Variants in CACNA2D2 observed in about 807,000 individuals in gnomAD.
The protein encoded by CACNA2D2 is voltage-dependent calcium channel subunit alpha-2/delta-2.
A neutral mutation model predicts 166.4 loss-of-function variants in CACNA2D2; 48 were observed. That is an observed-to-expected ratio of 0.29 (90% CI 0.23 to 0.37). CACNA2D2 has a LOEUF of 0.37. CACNA2D2 is among the 10% of genes least tolerant of loss of function. The pLI is 1.00. For missense variants in CACNA2D2, 1,122 were observed against 1,433.0 expected (o/e 0.78, Z 3.50); for synonymous variants, 561 against 573.7 (o/e 0.98, Z 0.32).
At chr3:50,457,387 G>A (rs1411248401) in intron 2 of CACNA2D2, among the ~76,000 whole-genome samples, 2 of 152,154 alleles carry the variant, frequency 1.3e-5, no homozygotes, top group East Asian at 1.9e-4. Flanking sequence ...GCTAAATATC[G>A]TTCCTTGTAA....
chr3:50,367,810 A>G lies in CACNA2D2; in HGVS notation c.2234+2T>C. 6.2e-7 allele frequency: 1 copy of G among 1,610,244 alleles called. No homozygotes were observed. The highest frequency in any genetic ancestry group is 1.1e-5 in the South Asian group (1 of 90,966). ...TGCCCCCACAGGCTGGGTGATGCCT[A>G]CGTGTTGAGATCCTGGTCCCTCCAC... On this transcript the variant is annotated splice_donor_variant, in intron 25 of 37. Transcript: ENST00000424201. LOFTEE classifies it high-confidence loss of function. The surrounding 1 kb of genome is among the most constrained non-coding windows in gnomAD (Gnocchi z 6.5).
chr3:50,500,791 T>G (rs1698933164), intron 1 of CACNA2D2, among the ~76,000 whole-genome samples: 1 of 107,534 alleles, frequency 9.3e-6, no homozygotes, highest in African/African-American at 3.7e-5. Flanking sequence ...AGCCCTGTCC[T>G]CCCTTCAGCA....
At chr3:50,368,487 G>A (rs775932519) in intron 23 of CACNA2D2, among the ~76,000 whole-genome samples, 5 of 152,156 alleles carry the variant, frequency 3.3e-5, no homozygotes, top group Admixed American at 1.3e-4. Flanking sequence ...GCATGGCTCC[G>A]CAGAGCCTCC....
At chr3:50,434,712 G>A (rs1012675121) in intron 2 of CACNA2D2, among the ~76,000 whole-genome samples, 1 of 152,178 alleles carries the variant, frequency 6.6e-6, no homozygotes, top group Non-Finnish European at 1.5e-5. Flanking sequence ...GGGCCTCAGG[G>A]CCCCCCATTT....
chr3:50,433,267 G>A (rs116611165), intron 3 of CACNA2D2, among the ~76,000 whole-genome samples: 33 of 152,284 alleles, frequency 2.2e-4, no homozygotes, highest in African/African-American at 7.7e-4. Flanking sequence ...GTGGTCTTTT[G>A]TAACTGACTT....
intron 1 of CACNA2D2, among the ~76,000 whole-genome samples, chr3:50,481,019 T>C (rs1698032359): frequency 1.9e-5 from 2 of 105,014 alleles, no homozygotes; most frequent in South Asian, 6.7e-4. Flanking sequence ...CAGTTGTTAA[T>C]TTTATATGTG....
At chr3:50,474,673 G>A (rs1710232883) in intron 2 of CACNA2D2, among the ~76,000 whole-genome samples, 1 of 152,190 alleles carries the variant, frequency 6.6e-6, no homozygotes, top group Admixed American at 6.5e-5. Flanking sequence ...TATAGCTTAT[G>A]TCCCGATATG....
At chr3:50,430,069 G>A (rs1707999597) in intron 3 of CACNA2D2, among the ~76,000 whole-genome samples, 1 of 152,210 alleles carries the variant, frequency 6.6e-6, no homozygotes, top group Non-Finnish European at 1.5e-5. Flanking sequence ...GGTGTCTCCA[G>A]GTGCTAGATT....
At chr3:50,387,677 C>G (rs1705682290) in intron 4 of CACNA2D2, 65 bp from the exon 5 acceptor site, 1 of 1,274,212 alleles carries the variant, frequency 7.8e-7, no homozygotes, top group Non-Finnish European at 1.1e-6. Flanking sequence ...GGACTCCTAG[C>G]CCCAAGGCCT....
intron 2 of CACNA2D2, among the ~76,000 whole-genome samples, chr3:50,439,019 C>T (rs1708472698): frequency 6.6e-6 from 1 of 152,218 alleles, no homozygotes; most frequent in South Asian, 2.1e-4. Flanking sequence ...AGAGAGGACA[C>T]TGAAGGCCAG....
Position 50,427,860 on chromosome 3 carries a change from A to AACC in CACNA2D2, c.405+6450_405+6452dup, listed in dbSNP as rs1241600847. Among the ~76,000 whole-genome samples, 1 of 152,184 alleles carries AACC rather than the reference A, an allele frequency of 6.6e-6. No homozygotes were observed. Among genetic ancestry groups the AACC allele is most frequent in the Non-Finnish European group, 1.5e-5 (1 of 68,026 alleles). ...TCCATGGCCTGGTCCTCCAGGGGCCAACCTGTTTGTCTCACCCTCGTCAGT... is the reference window on the plus strand; with the variant it reads ...TCCATGGCCTGGTCCTCCAGGGGCCAACCACCTGTTTGTCTCACCCTCGTCAGT... On this transcript the variant is annotated intron_variant, in intron 3 of 37. Transcript: ENST00000424201. This position sits in a 1 kb window ranked among gnomAD's most constrained non-coding sequence, Gnocchi z 4.7.
chr3:50,468,479 C>T (rs1575736816), intron 2 of CACNA2D2, among the ~76,000 whole-genome samples: 1 of 144,204 alleles, frequency 6.9e-6, no homozygotes, highest in African/African-American at 2.5e-5. Context: ...TTGCTGATCC[C>T]CAAGATGGAA....
rs61121908 is a variant in CACNA2D2 at position 50,373,738 on chromosome 3, G to A, written c.1984+999C>T. On this transcript the variant is annotated intron_variant, in intron 22 of 37. Transcript: ENST00000424201. The stretch of plus-strand genomic sequence containing the variant: ...TGCAGGGAGAAGAGGAGGGAGAGAG[G>A]GAAGAAGAGAGGACAGTGCGTAAGG... Among the ~76,000 whole-genome samples, 456 of 136,840 alleles carry A rather than the reference G, an allele frequency of 3.3e-3. 9 individuals carry two copies. The highest frequency in any genetic ancestry group is 0.012 in the African/African-American group (414 of 35,646). 89.8% of individuals were successfully genotyped at this position (136,840 alleles called of 152,430 possible).
intron 2 of CACNA2D2, among the ~76,000 whole-genome samples, chr3:50,468,437 GT>G (rs1559978563): frequency 2.8e-5 from 4 of 144,628 alleles, no homozygotes; most frequent in Non-Finnish European, 4.6e-5. Flanking sequence ...GTGTGTGTGT[GT>G]GTGGCTTTAG....
At chr3:50,493,166 C>G (rs1467443524) in intron 1 of CACNA2D2, among the ~76,000 whole-genome samples, 1 of 152,220 alleles carries the variant, frequency 6.6e-6, no homozygotes, top group Non-Finnish European at 1.5e-5. Flanking sequence ...GACCCTGCAG[C>G]CGACACTGCT....
intron 2 of CACNA2D2, among the ~76,000 whole-genome samples, chr3:50,458,165 T>A (rs1213571312): frequency 1.3e-5 from 2 of 152,192 alleles, no homozygotes; most frequent in Non-Finnish European, 2.9e-5. Flanking sequence ...GCAAAGCCCT[T>A]CCCCGCTGCT....
intron 2 of CACNA2D2, among the ~76,000 whole-genome samples, chr3:50,468,829 C>CAT (rs1553751897): frequency 4.2e-4 from 56 of 133,090 alleles, no homozygotes; most frequent in Non-Finnish European, 1.1e-4. Context: ...CCTTCTCTCT[C>CAT]TTTTTTTTTT....
rs372282863 is a variant in CACNA2D2 at position 50,370,393 on chromosome 3, C to T, written c.1985-13G>A. On this transcript the variant is annotated splice_polypyrimidine_tract_variant and intron_variant, in intron 22 of 37. Transcript: ENST00000424201. ...AGGAACTCAAAATCTGCAACAGAAA[C>T]GGGGGGTTATCCGGCGGGGGCTGGG... 11 of 1,261,784 alleles carry T rather than the reference C, an allele frequency of 8.7e-6. 1 individual carries two copies. Among genetic ancestry groups the T allele is most frequent in the South Asian group, 6.5e-5 (5 of 76,742 alleles). 78.2% of individuals were successfully genotyped at this position (1,261,784 alleles called of 1,614,324 possible).
intron 2 of CACNA2D2, among the ~76,000 whole-genome samples, chr3:50,470,339 G>A (rs559306211): frequency 1.3e-5 from 2 of 152,196 alleles, no homozygotes; most frequent in Non-Finnish European, 2.9e-5. Context: ...CCACTGGGGT[G>A]GGGGAGGCTC....
Sources: gnomAD v4.1 joint callset for allele counts (sites outside exome capture counted in the v4.1 genomes callset) on GRCh38, gnomAD v4.1.1 for gene constraint, Gnocchi (gnomAD v3.1) non-coding constraint, MANE v1.5 for transcripts, NCBI Gene and HGNC (gene_info 2026-07-23, HGNC 2026-07-21) for gene names.